Variants in PCNT observed in about 807,000 individuals in gnomAD.
The protein encoded by PCNT is kendrin.
In PCNT, 319 loss-of-function variants were observed where a neutral mutation model predicts 380.4. The ratio of observed to expected loss-of-function variants is 0.84; its 90% CI spans 0.77 to 0.92. PCNT has a LOEUF of 0.92. PCNT is among the 40% of genes least tolerant of loss of function. The pLI is 0.00. For missense variants in PCNT, 4,400 were observed against 4,255.3 expected (o/e 1.03, Z -0.95); for synonymous variants, 1,845 against 1,735.2 (o/e 1.06, Z -1.57).
intron 36 of PCNT, 70 bp from the exon 37 acceptor site, chr21:46,430,437 T>C: frequency 6.5e-7 from 1 of 1,532,972 alleles, no homozygotes; most frequent in Non-Finnish European, 8.8e-7. Flanking sequence ...CCTCCCCTCC[T>C]GGAGCTCCCA....
chr21:46,355,137 G>A (rs1272464013), intron 11 of PCNT, among the ~76,000 whole-genome samples: 1 of 152,202 alleles, frequency 6.6e-6, no homozygotes, highest in South Asian at 2.1e-4. Context: ...GTGCCCTACC[G>A]ACCTTGCTGC....
intron 2 of PCNT, 83 bp from the exon 3 acceptor site, chr21:46,334,314 G>A: frequency 6.3e-7 from 1 of 1,597,642 alleles, no homozygotes; most frequent in Non-Finnish European, 8.6e-7. Context: ...GCACAGGCCT[G>A]CAGATAGAGG....
intron 46 of PCNT, 72 bp from the exon 47 acceptor site, chr21:46,445,212 T>C (rs541578305): frequency 9.8e-7 from 1 of 1,020,522 alleles, no homozygotes; most frequent in African/African-American, 1.6e-5. Flanking sequence ...TGTTTCAAAA[T>C]TGTGGAATTC....
At chr21:46,402,113 C>T (rs1457094157) in intron 26 of PCNT, among the ~76,000 whole-genome samples, 1 of 133,680 alleles carries the variant, frequency 7.5e-6, no homozygotes, top group Non-Finnish European at 1.6e-5. Context: ...TTGAGCCTCT[C>T]AAAGTGCTGG....
intron 34 of PCNT, 71 bp downstream of exon 34, chr21:46,427,866 G>T: frequency 6.6e-7 from 1 of 1,519,216 alleles, no homozygotes; most frequent in Non-Finnish European, 9.1e-7. Flanking sequence ...GGGTGACACA[G>T]ACTGTTTTGT....
rs1300363646 is a variant in PCNT, at chr21:46,383,233, C to G, written c.3312+1393C>G. Among the ~76,000 whole-genome samples, 6 of 147,210 alleles carry G rather than the reference C, an allele frequency of 4.1e-5. 1 individual carries two copies. The highest frequency in any genetic ancestry group is 9.0e-5 in the Non-Finnish European group (6 of 66,570). On this transcript the variant is annotated intron_variant, in intron 16 of 46. Coordinates refer to ENST00000359568, the MANE Select transcript of PCNT (RefSeq NM_006031.6). The stretch of plus-strand genomic sequence containing the variant: ...TGTTGTATATTCAGTGGCGGAAGCG[C>G]ATTCACAGTGTTGTATATTCAGTGA...
rs549270583 is a variant in PCNT, at chr21:46,428,303, G to T, written c.7495-92G>T. ...ATCCCAGACTCAGCAGGCTTGTCCC[G>T]GCGGAGCTGGTTTTGAGGGCGGGCA... On this transcript the variant is annotated intron_variant, in intron 34 of 46. Coordinates refer to ENST00000359568, the MANE Select transcript of PCNT (RefSeq NM_006031.6). The T allele has an allele frequency of 3.0e-5, 35 of 1,151,310 alleles. No individual in the cohort carries two copies. In the East Asian group the frequency reaches 8.3e-4, roughly 27 times the overall value. The allele number at this position is 1,151,310 out of a possible 1,614,324, so 71.3% of individuals were successfully genotyped here. A position where few individuals can be genotyped will look rare whatever the true frequency, so the allele number is the denominator to read the frequency against.
rs1303908246 is a variant in PCNT, at chr21:46,403,352, G to A, written c.5115+869G>A. 6.9e-3 allele frequency among the ~76,000 whole-genome samples: 980 copies of A among 141,282 alleles called. 6 individuals carry two copies. The highest frequency in any genetic ancestry group is 0.011 in the Non-Finnish European group (705 of 63,910). The allele number at this position is 141,282 out of a possible 152,430, so 92.7% of individuals were successfully genotyped here. ...TGTGTGTGTGGTGCCCACGCGGCGC[G>A]TGCTCGGTGAATGAACACAGCGTGG... On this transcript the variant is annotated intron_variant, in intron 27 of 46. Coordinates refer to ENST00000359568, the MANE Select transcript of PCNT (RefSeq NM_006031.6).
At position 46,390,849 on chromosome 21, in the gene PCNT, C is replaced by G. The variant is rs770552257; in HGVS notation, c.4003+17C>G. On this transcript the variant is annotated intron_variant, in intron 20 of 46. Coordinates refer to ENST00000359568, the MANE Select transcript of PCNT (RefSeq NM_006031.6). ...AGACTCAGGGTGAGCAGCATGAGGCCTCGGGGCACCTGGAGCACAGGCACG... is the reference window on the plus strand; with the variant it reads ...AGACTCAGGGTGAGCAGCATGAGGCGTCGGGGCACCTGGAGCACAGGCACG... 6 of 1,603,042 alleles carry G rather than the reference C, an allele frequency of 3.7e-6. No individual in the cohort carries two copies. Among genetic ancestry groups the G allele is most frequent in the Non-Finnish European group, 5.1e-6 (6 of 1,175,236 alleles).
intron 27 of PCNT, among the ~76,000 whole-genome samples, chr21:46,402,850 C>G (rs1260971502): frequency 6.6e-6 from 1 of 152,164 alleles, no homozygotes; most frequent in Non-Finnish European, 1.5e-5. Flanking sequence ...AGTGGCTACT[C>G]ACTGTTTCTC....
chr21:46,442,794 G>A (rs1307669126), intron 44 of PCNT: 24 of 599,698 alleles, frequency 4.0e-5, no homozygotes, highest in African/African-American at 9.3e-5. Flanking sequence ...AGGGGCGTAC[G>A]GCGATGGGAA....
chr21:46,348,102 G>GA, intron 6 of PCNT: 1 of 180,854 alleles, frequency 5.5e-6, no homozygotes, highest in Non-Finnish European at 1.2e-5. Context: ...TTGTGTTCCG[G>GA]TCACCTGCTC....
intron 19 of PCNT, 139 bp downstream of exon 19, chr21:46,389,570 C>A: frequency 1.5e-6 from 1 of 662,546 alleles, no homozygotes; most frequent in Non-Finnish European, 2.6e-6. Flanking sequence ...TGAACCAGAT[C>A]TTTGAGGAAG....
intron 16 of PCNT, among the ~76,000 whole-genome samples, chr21:46,383,913 C>G (rs1331272575): frequency 2.8e-5 from 4 of 144,692 alleles, no homozygotes; most frequent in African/African-American, 7.6e-5. Context: ...AGCGCATTCA[C>G]AGTGTTGTGC....
Position 46,440,141 on chromosome 21 carries a change from G to T in PCNT, c.9332G>T (p.Arg3111Leu), listed in dbSNP as rs140416280. Residue 3111 changes from arginine (R) to leucine (L), a missense_variant, in exon 42 of 47, where the codon CGC becomes CTC. Transcript: ENST00000359568. ...ACGGCTCCACAGAGTTCCCTGAGGC[G>T]CCCAGACCCCGGCCGGCTTCCACCA... Reference protein sequence around the residue: ...DETAPQSSLRRPDPGRLPPAA... With the variant: ...DETAPQSSLRLPDPGRLPPAA... 6.2e-7 allele frequency: 1 copy of T among 1,614,080 alleles called. No individual in the cohort carries two copies. Among genetic ancestry groups the T allele is most frequent in the Non-Finnish European group, 8.5e-7 (1 of 1,179,998 alleles).
chr21:46,440,723 C>T (rs1028807027), intron 42 of PCNT, 132 bp from the exon 43 acceptor site: 2 of 540,396 alleles, frequency 3.7e-6, no homozygotes, highest in Non-Finnish European at 6.2e-6. Context: ...GTTGGAAGGC[C>T]GATGGCTCTG....
intron 45 of PCNT, 108 bp downstream of exon 45, chr21:46,444,056 C>T: frequency 3.3e-6 from 4 of 1,224,714 alleles, no homozygotes; most frequent in Non-Finnish European, 4.5e-6. Context: ...CAGCCCAGGG[C>T]AAGGCAGGAA....
intron 20 of PCNT, 70 bp downstream of exon 20, chr21:46,390,902 A>G (rs1207866204): frequency 1.1e-5 from 16 of 1,510,358 alleles, no homozygotes; most frequent in Middle Eastern, 2.3e-4. Flanking sequence ...CACTGAGGGA[A>G]GGAAGCCTTC....
chr21:46,435,149 C>G (rs1278399028), intron 38 of PCNT, among the ~76,000 whole-genome samples: 2 of 152,188 alleles, frequency 1.3e-5, no homozygotes, highest in East Asian at 1.9e-4. Context: ...GGGCCTGTTT[C>G]TGGTCTGTGA....
Sources: gnomAD v4.1 joint callset for allele counts (sites outside exome capture counted in the v4.1 genomes callset) on GRCh38, gnomAD v4.1.1 for gene constraint, MANE v1.5 for transcripts, NCBI Gene and HGNC (gene_info 2026-07-23, HGNC 2026-07-21) for gene names.